ZNF71: variants seen among roughly 807,000 people sequenced by gnomAD.
The protein encoded by ZNF71 is endothelial zinc finger protein induced by tumor necrosis factor alpha.
A neutral mutation model predicts 6.7 loss-of-function variants in ZNF71; 3 were observed. That is an observed-to-expected ratio of 0.45 (90% CI 0.20 to 1.16). The LOEUF is 1.16. Among genes scored for constraint, ZNF71 ranks in the 50% most tolerant of loss-of-function variants. The pLI, the probability that ZNF71 is intolerant of heterozygous loss-of-function variation, is 0.25. For synonymous variants in ZNF71, 343 were observed against 311.1 expected (o/e 1.10, Z -1.08); for missense variants, 688 against 728.6 (o/e 0.94, Z 0.64).
At chr19:56,620,593 G>A (rs894662843) in intron 3 of ZNF71, among the ~76,000 whole-genome samples, 16 of 151,732 alleles carry the variant, frequency 1.1e-4, no homozygotes, top group Admixed American at 8.5e-4. Context: ...GTGCAGTGAC[G>A]TGATCATAGC....
In ZNF71 at chr19:56,618,978, C is replaced by T. The variant is rs942000963; in HGVS notation, c.161-2290C>T. Among the ~76,000 whole-genome samples, 4 of 152,068 alleles carry T rather than the reference C, an allele frequency of 2.6e-5. No individual in the cohort carries two copies. Among genetic ancestry groups the T allele is most frequent in the African/African-American group, 9.7e-5 (4 of 41,380 alleles). Reference sequence around the variant, plus strand: ...CTGCTGTCGCATTTCAGGCAAGGACCCGTGGTGGCCAGCCGGCTTTTTGTC... The same window carrying T: ...CTGCTGTCGCATTTCAGGCAAGGACTCGTGGTGGCCAGCCGGCTTTTTGTC... On this transcript the variant is annotated intron_variant, in intron 3 of 3. Coordinates refer to ENST00000599599, the MANE Select transcript of ZNF71 (RefSeq NM_001370215.1). The surrounding 1 kb of genome is among the most constrained non-coding windows in gnomAD (Gnocchi z 4.6).
chr19:56,614,037 G>A, intron 3 of ZNF71, 99 bp downstream of exon 3: 7 of 989,144 alleles, frequency 7.1e-6, no homozygotes, highest in Non-Finnish European at 8.6e-6. Context: ...TGACTACATG[G>A]AAAGTTTTAA....
rs918592106 is a variant in ZNF71 at position 56,598,897 on chromosome 19, C to G, written c.-52-2610C>G. On this transcript the variant is annotated intron_variant, in intron 1 of 3. Transcript: ENST00000599599. The surrounding 1 kb of genome is among the most constrained non-coding windows in gnomAD (Gnocchi z 4.2). The stretch of plus-strand genomic sequence containing the variant: ...CTCTTCTTTGTCTTAGTGGTTCTTA[C>G]GCTTTAAGACGTGTCAGAATCACCT... Among the ~76,000 whole-genome samples the G allele has an allele frequency of 3.3e-5, 5 of 152,154 alleles. No individual in the cohort carries two copies. Among genetic ancestry groups the G allele is most frequent in the Non-Finnish European group, 5.9e-5 (4 of 68,036 alleles).
intron 2 of ZNF71, among the ~76,000 whole-genome samples, chr19:56,605,216 G>A (rs1321289362): frequency 2.0e-5 from 3 of 152,126 alleles, no homozygotes; most frequent in Non-Finnish European, 2.9e-5. Context: ...CAGAACTCCC[G>A]TTCTTTCCTT....
At chr19:56,609,529 T>A (rs1242481982) in intron 2 of ZNF71, among the ~76,000 whole-genome samples, 5 of 151,936 alleles carry the variant, frequency 3.3e-5, no homozygotes, top group African/African-American at 1.2e-4. Flanking sequence ...TGTATATAAA[T>A]GAGGCATACG....
chr19:56,617,112 G>GTTTTTTTTTTTTTTTTTTTTT (rs748784485), intron 3 of ZNF71, among the ~76,000 whole-genome samples: 3 of 140,646 alleles, frequency 2.1e-5, no homozygotes, highest in Non-Finnish European at 4.5e-5. Context: ...ATTTTCTTTT[G>GTTTTTTTTTTTTTTTTTTTTT]TTTTTTTTTG....
chr19:56,619,707 A>T (rs1435760447), intron 3 of ZNF71, among the ~76,000 whole-genome samples: 1 of 152,202 alleles, frequency 6.6e-6, no homozygotes, highest in East Asian at 1.9e-4. Flanking sequence ...TCTCAAACTC[A>T]GGTGGCCTCA....
intron 2 of ZNF71, among the ~76,000 whole-genome samples, chr19:56,607,682 CTG>C (rs2044720192): frequency 1.4e-5 from 2 of 145,584 alleles, no homozygotes; most frequent in African/African-American, 2.4e-5. Context: ...AGACACTGCA[CTG>C]TCTTTCAAAA....
chr19:56,596,240 G>A lies in ZNF71; in HGVS notation c.-53+812G>A, dbSNP rs138004991. On this transcript the variant is annotated intron_variant, in intron 1 of 3. Coordinates refer to ENST00000599599, the MANE Select transcript of ZNF71 (RefSeq NM_001370215.1). ...GAGTGTAGGGCTGTGTCTTTCCAGG[G>A]GCCAGTCCTGTCTGGATCTTTCCTA... 8.0e-3 allele frequency among the ~76,000 whole-genome samples: 1,212 copies of A among 151,996 alleles called. 7 individuals carry two copies. Among genetic ancestry groups the A allele is most frequent in the Non-Finnish European group, 0.013 (850 of 67,932 alleles).
chr19:56,613,281 A>C lies in ZNF71; in HGVS notation c.34-531A>C, dbSNP rs1330992921. ...CAAAGTCTTCCTGGGCACCCCCCAC[A>C]GCTGGCATTACTCAGGCACCTGGAG... is the stretch of plus-strand genomic sequence containing the variant. On this transcript the variant is annotated intron_variant, in intron 2 of 3. Coordinates refer to ENST00000599599, the MANE Select transcript of ZNF71 (RefSeq NM_001370215.1). The surrounding 1 kb of genome is among the most constrained non-coding windows in gnomAD (Gnocchi z 4.6). Among the ~76,000 whole-genome samples the C allele has an allele frequency of 6.6e-6, 1 of 152,230 alleles. No individual in the cohort carries two copies. Among genetic ancestry groups the C allele is most frequent in the Non-Finnish European group, 1.5e-5 (1 of 68,044 alleles).
Position 56,603,683 on chromosome 19 carries a change from C to G in ZNF71, c.33+2092C>G, listed in dbSNP as rs2044687591. ...TGCACCATGATGCCTTCATTTTTGT[C>G]TCATCTGTGATTCTTGCCTTGAATT... On this transcript the variant is annotated intron_variant, in intron 2 of 3. Coordinates refer to ENST00000599599, the MANE Select transcript of ZNF71 (RefSeq NM_001370215.1). This position sits in a 1 kb window ranked among gnomAD's most constrained non-coding sequence, Gnocchi z 4.6. Among the ~76,000 whole-genome samples the G allele has an allele frequency of 6.6e-6, 1 of 152,048 alleles. No homozygotes were observed. The highest frequency in any genetic ancestry group is 1.5e-5 in the Non-Finnish European group (1 of 68,022).
intron 2 of ZNF71, among the ~76,000 whole-genome samples, chr19:56,609,703 A>C (rs968395379): frequency 7.1e-6 from 1 of 141,500 alleles, no homozygotes; most frequent in Non-Finnish European, 1.5e-5. Context: ...CCTGTTCTGG[A>C]CATTGTACAT....
intron 3 of ZNF71, among the ~76,000 whole-genome samples, chr19:56,620,871 T>G (rs1212223764): frequency 6.6e-6 from 1 of 152,152 alleles, no homozygotes; most frequent in East Asian, 1.9e-4. Flanking sequence ...GGAGCACGAC[T>G]GGTTGTGGAT....
In ZNF71 at chr19:56,622,505, G is replaced by A. The variant is rs757261869; in HGVS notation, c.1398G>A (p.Gly466=). 1 of 1,594,772 alleles carries A rather than the reference G, an allele frequency of 6.3e-7. No individual in the cohort carries two copies. Among genetic ancestry groups the A allele is most frequent in the South Asian group, 1.1e-5 (1 of 89,798 alleles). The part of the protein sequence containing the change: ...SLIVHQIVHT[G]EKPYVCGECG... ...TCGTGCACCAGATCGTGCACACCGG[G>A]GAGAAGCCCTACGTGTGCGGCGAGT... The change falls in exon 4 of 4, where the codon GGG becomes GGA. Residue 466 remains glycine, a synonymous_variant. Transcript: ENST00000599599.
In ZNF71 at chr19:56,621,730, A is replaced by G; in HGVS notation, c.623A>G (p.His208Arg). The change falls in exon 4 of 4, where the codon CAC becomes CGC. Residue 208 changes from histidine (H) to arginine (R), a missense_variant. By Grantham distance (29) the His-to-Arg change is conservative (BLOSUM62 0). Transcript: ENST00000599599. ...AGCCGAAGCTCGTCCCTGATAAAGC[A>G]CCAAAGGATCCACACGGGAGAAAAG... Reference protein sequence around the residue: ...AFSRSSSLIKHQRIHTGEKPF... With the variant: ...AFSRSSSLIKRQRIHTGEKPF... The G allele has an allele frequency of 6.2e-7, 1 of 1,613,932 alleles. No individual in the cohort carries two copies. The highest frequency in any genetic ancestry group is 8.5e-7 in the Non-Finnish European group (1 of 1,179,988).
rs558955243 is a variant in ZNF71 at position 56,595,573 on chromosome 19, G to A, written c.-53+145G>A. The A allele has an allele frequency of 4.4e-5, 7 of 160,030 alleles. No individual in the cohort carries two copies. The South Asian group carries it at 1.1e-3, about 26-fold the overall frequency. The allele number at this position is 160,030 out of a possible 1,614,324, so 9.9% of individuals were successfully genotyped here. ...CTGAGGGGCTAAGGAGAGGCTGACT[G>A]GAGGCTGAGGGGCTGAGGAGAGGCC... On this transcript the variant is annotated intron_variant, in intron 1 of 3. Coordinates refer to ENST00000599599, the MANE Select transcript of ZNF71 (RefSeq NM_001370215.1).
Position 56,622,787 on chromosome 19 carries a change from T to C in ZNF71, c.*30T>C, listed in dbSNP as rs1600601420. ...CTCTGTGCAGGGCTCTCACTGGCGG[T>C]GCCCAGGACGGACGCCAGATGGCTG... is the stretch of plus-strand genomic sequence containing the variant. On this transcript the variant is annotated 3_prime_UTR_variant, in exon 4 of 4. Transcript: ENST00000599599. The C allele has an allele frequency of 6.4e-7, 1 of 1,559,748 alleles. No individual in the cohort carries two copies. Among genetic ancestry groups the C allele is most frequent in the Non-Finnish European group, 8.7e-7 (1 of 1,151,048 alleles).
chr19:56,599,393 A>G (rs1322871516), intron 1 of ZNF71, among the ~76,000 whole-genome samples: 1 of 152,156 alleles, frequency 6.6e-6, no homozygotes, highest in Non-Finnish European at 1.5e-5. Flanking sequence ...TGACTGCTGT[A>G]AAAGAAGCTG....
Position 56,598,716 on chromosome 19 carries a change from G to GCAAATGTCTCTAGACGTTGA in ZNF71, c.-52-2780_-52-2761dup, listed in dbSNP as rs1442850333. Among the ~76,000 whole-genome samples the GCAAATGTCTCTAGACGTTGA allele has an allele frequency of 1.3e-5, 2 of 152,182 alleles. No individual in the cohort carries two copies. The highest frequency in any genetic ancestry group is 2.9e-5 in the Non-Finnish European group (2 of 68,030). On this transcript the variant is annotated intron_variant, in intron 1 of 3. Coordinates refer to ENST00000599599, the MANE Select transcript of ZNF71 (RefSeq NM_001370215.1). This position sits in a 1 kb window ranked among gnomAD's most constrained non-coding sequence, Gnocchi z 4.2. ...TCCCCTGCCAAATTATGACAGTTTG[G>GCAAATGTCTCTAGACGTTGA]CAAATGTCTCTAGACGTTGACAAAT...
Sources: allele counts gnomAD v4.1 joint callset (sites outside exome capture counted in the v4.1 genomes callset), GRCh38; gene constraint gnomAD v4.1.1; non-coding constraint Gnocchi (gnomAD v3.1); transcripts MANE v1.5; gene names NCBI Gene and HGNC (gene_info 2026-07-23, HGNC 2026-07-21).